Variants in STUM observed in about 807,000 individuals in gnomAD.
The protein encoded by STUM is stum, mechanosensory transduction mediator homolog, also known as protein stum homolog.
STUM carries 8 observed loss-of-function variants against 15.3 expected under a neutral mutation model. The observed-to-expected ratio is 0.52, with a 90% CI of 0.31 to 0.94. The LOEUF is 0.94. STUM is among the 40% of genes least tolerant of loss of function. The probability of loss-of-function intolerance (pLI) is 0.05; values close to 1 mark genes in which losing one functional copy is unlikely to be tolerated. For missense variants in STUM, 142 were observed against 204.9 expected, an observed-to-expected ratio of 0.69 and a Z score of 1.87; for synonymous variants, 78 against 88.7, an observed-to-expected ratio of 0.88 and a Z score of 0.68.
chr1:226,554,142 G>A (rs1224085920), intron 1 of STUM, among the ~76,000 whole-genome samples: 1 of 152,208 alleles, frequency 6.6e-6, no homozygotes, highest in African/African-American at 2.4e-5. Context: ...ACGTTAAGAG[G>A]TGGTGTGAAG....
intron 1 of STUM, among the ~76,000 whole-genome samples, chr1:226,571,706 C>A (rs1433421870): frequency 6.6e-6 from 1 of 151,704 alleles, no homozygotes; most frequent in Admixed American, 6.6e-5. Flanking sequence ...ATGGCGTGAT[C>A]TTGGCTCACT....
At position 226,604,321 on chromosome 1, in the gene STUM, G is replaced by A. The variant is rs998113275; in HGVS notation, c.*2281G>A. On this transcript the variant is annotated 3_prime_UTR_variant, in exon 4 of 4. Coordinates refer to ENST00000366788, the MANE Select transcript of STUM (RefSeq NM_001003665.4). The surrounding 1 kb of genome is among the most constrained non-coding windows in gnomAD (Gnocchi z 4.7). ...TCCCGTGTGGGATGGTTTAATACAG[G>A]GGTTTGTGTGTTTGTGTGTGTGGAG... is the stretch of plus-strand genomic sequence containing the variant. The A allele has an allele frequency of 6.9e-6, 1 of 145,340 alleles. No homozygotes were observed. Among genetic ancestry groups the A allele is most frequent in the Non-Finnish European group, 1.5e-5 (1 of 65,492 alleles). The allele number at this position is 145,340 out of a possible 1,614,324, so 9.0% of individuals were successfully genotyped here. A position where few individuals can be genotyped will look rare whatever the true frequency, so the allele number is the denominator to read the frequency against.
chr1:226,602,177 T>C lies in STUM; in HGVS notation c.*137T>C. The C allele has an allele frequency of 1.5e-6, 1 of 658,868 alleles. No homozygotes were observed. The highest frequency in any genetic ancestry group is 2.7e-5 in the East Asian group (1 of 36,582). The allele number at this position is 658,868 out of a possible 1,614,324, so 40.8% of individuals were successfully genotyped here. On this transcript the variant is annotated 3_prime_UTR_variant, in exon 4 of 4. Transcript: ENST00000366788. ...TGGAAAGGGGGTATTTTTAAAAATA[T>C]TATTTATTTTGAAAACGCATCTGCT...
chr1:226,568,621 G>T (rs1667658914), intron 1 of STUM, among the ~76,000 whole-genome samples: 1 of 152,266 alleles, frequency 6.6e-6, no homozygotes, highest in South Asian at 2.1e-4. Flanking sequence ...GAAGGAGCCT[G>T]CTGAGCAAAG....
chr1:226,586,539 G>C (rs911952772), intron 1 of STUM, among the ~76,000 whole-genome samples: 1 of 152,134 alleles, frequency 6.6e-6, no homozygotes, highest in African/African-American at 2.4e-5. Flanking sequence ...ATGGCAAGGG[G>C]TCAGCTCAGG....
intron 1 of STUM, among the ~76,000 whole-genome samples, chr1:226,595,199 G>T (rs115111130): frequency 2.5e-3 from 384 of 152,336 alleles, no homozygotes; most frequent in Non-Finnish European, 4.7e-3. Flanking sequence ...TGAAGAACCT[G>T]CAGTGTGACG....
In STUM at chr1:226,565,361, G is replaced by A. The variant is rs564798259; in HGVS notation, c.202+16255G>A. On this transcript the variant is annotated intron_variant, in intron 1 of 3. Coordinates refer to ENST00000366788, the MANE Select transcript of STUM (RefSeq NM_001003665.4). The surrounding 1 kb of genome is among the most constrained non-coding windows in gnomAD (Gnocchi z 4.4). ...GGTGGGAGCCTTTGCTTCCTGCTGGGACCCCCTGGTCACACAGAGATGTTT... is the reference window on the plus strand; with the variant it reads ...GGTGGGAGCCTTTGCTTCCTGCTGGAACCCCCTGGTCACACAGAGATGTTT... Among the ~76,000 whole-genome samples, 3 of 152,168 alleles carry A rather than the reference G, an allele frequency of 2.0e-5. No individual in the cohort carries two copies. The highest frequency in any genetic ancestry group is 4.2e-4 in the South Asian group (2 of 4,806).
At chr1:226,555,721 C>G (rs923917394) in intron 1 of STUM, among the ~76,000 whole-genome samples, 2 of 152,216 alleles carry the variant, frequency 1.3e-5, no homozygotes, top group Non-Finnish European at 1.5e-5. Flanking sequence ...TTTTTAAACA[C>G]GAGTGAGTCG....
In STUM at chr1:226,608,974, A is replaced by G. The variant is rs997981608; in HGVS notation, c.*6934A>G. On this transcript the variant is annotated 3_prime_UTR_variant, in exon 4 of 4. Transcript: ENST00000366788. This position sits in a 1 kb window ranked among gnomAD's most constrained non-coding sequence, Gnocchi z 4.0. ...CCTTCTGCCAGCTTTAAAACCCTTCACTCAAGCAGCATTACTGTACATGCA... is the reference window on the plus strand; with the variant it reads ...CCTTCTGCCAGCTTTAAAACCCTTCGCTCAAGCAGCATTACTGTACATGCA... 4 of 152,040 alleles carry G rather than the reference A, an allele frequency of 2.6e-5. No homozygotes were observed. Among genetic ancestry groups the G allele is most frequent in the African/African-American group, 7.2e-5 (3 of 41,382 alleles). The allele number at this position is 152,040 out of a possible 1,614,324, so 9.4% of individuals were successfully genotyped here.
At chr1:226,599,824 A>G (rs1668238752) in intron 2 of STUM, among the ~76,000 whole-genome samples, 1 of 152,222 alleles carries the variant, frequency 6.6e-6, no homozygotes, top group Non-Finnish European at 1.5e-5. Flanking sequence ...TTGCTAATCA[A>G]TCATGACACT....
At position 226,600,741 on chromosome 1, in the gene STUM, C is replaced by T; in HGVS notation, c.391+67C>T. On this transcript the variant is annotated intron_variant, in intron 3 of 3. Transcript: ENST00000366788. The surrounding 1 kb of genome is among the most constrained non-coding windows in gnomAD (Gnocchi z 5.2). Reference sequence around the variant, plus strand: ...GGGGCCCTCCCCTCCCCCGAGACCCCCACTCCTGCACACAAACACCCCACC... The same window carrying T: ...GGGGCCCTCCCCTCCCCCGAGACCCTCACTCCTGCACACAAACACCCCACC... 1 of 1,562,838 alleles carries T rather than the reference C, an allele frequency of 6.4e-7. No homozygotes were observed. Among genetic ancestry groups the T allele is most frequent in the Non-Finnish European group, 8.8e-7 (1 of 1,141,638 alleles).
chr1:226,549,116 G>A lies in STUM; in HGVS notation c.202+10G>A. 1 of 1,571,030 alleles carries A rather than the reference G, an allele frequency of 6.4e-7. No individual in the cohort carries two copies. The highest frequency in any genetic ancestry group is 8.6e-7 in the Non-Finnish European group (1 of 1,161,478). On this transcript the variant is annotated intron_variant, in intron 1 of 3. Coordinates refer to ENST00000366788, the MANE Select transcript of STUM (RefSeq NM_001003665.4). The surrounding 1 kb of genome is among the most constrained non-coding windows in gnomAD (Gnocchi z 6.8). ...TTCGTGCCGGGACTGGGTAAGACACGGCTGCCGCGACCCTTGCGACCCCCA... is the reference window on the plus strand; with the variant it reads ...TTCGTGCCGGGACTGGGTAAGACACAGCTGCCGCGACCCTTGCGACCCCCA...
chr1:226,579,913 C>T (rs1247803131), intron 1 of STUM, among the ~76,000 whole-genome samples: 1 of 152,190 alleles, frequency 6.6e-6, no homozygotes, highest in African/African-American at 2.4e-5. Context: ...CGTGAGCCAC[C>T]CTGCCCTGCC....
intron 3 of STUM, among the ~76,000 whole-genome samples, chr1:226,601,245 G>C (rs1057032923): frequency 6.6e-6 from 1 of 152,086 alleles, no homozygotes; most frequent in Admixed American, 6.6e-5. Flanking sequence ...TCCTGCCTCA[G>C]CCTCCCGAGT....
intron 1 of STUM, among the ~76,000 whole-genome samples, chr1:226,572,951 CT>C (rs1305953417): frequency 6.6e-6 from 1 of 152,196 alleles, no homozygotes; most frequent in Non-Finnish European, 1.5e-5. Flanking sequence ...AGAGCCAGGG[CT>C]AGAACCCAGG....
intron 1 of STUM, among the ~76,000 whole-genome samples, chr1:226,559,167 C>T (rs751372122): frequency 6.6e-6 from 1 of 152,194 alleles, no homozygotes; most frequent in Admixed American, 6.5e-5. Context: ...ATGGCCAGAG[C>T]CCCCTGTTGA....
chr1:226,550,016 A>G (rs970989668), intron 1 of STUM, among the ~76,000 whole-genome samples: 3 of 151,460 alleles, frequency 2.0e-5, no homozygotes, highest in Non-Finnish European at 2.9e-5. Context: ...CCAGCTTGGC[A>G]CTGGCTGCTC....
chr1:226,583,817 T>A (rs1213432823), intron 1 of STUM, among the ~76,000 whole-genome samples: 1 of 152,192 alleles, frequency 6.6e-6, no homozygotes, highest in Non-Finnish European at 1.5e-5. Context: ...ATGGGAGTAA[T>A]TGCCCCTCTG....
chr1:226,556,397 C>A (rs763308476), intron 1 of STUM, among the ~76,000 whole-genome samples: 19 of 152,190 alleles, frequency 1.2e-4, no homozygotes, highest in Non-Finnish European at 2.1e-4. Context: ...CTAATGAATA[C>A]AGACAGTAGT....
Sources: gnomAD v4.1 joint callset for allele counts (sites outside exome capture counted in the v4.1 genomes callset) on GRCh38, gnomAD v4.1.1 for gene constraint, Gnocchi (gnomAD v3.1) non-coding constraint, MANE v1.5 for transcripts, NCBI Gene and HGNC (gene_info 2026-07-23, HGNC 2026-07-21) for gene names.